The following CACNA2D3 variants were observed in gnomAD, a reference collection of about 807,000 sequenced individuals.
The protein encoded by CACNA2D3 is voltage-dependent calcium channel subunit alpha-2/delta-3.
Under a neutral mutation model 160.6 loss-of-function variants are expected in CACNA2D3, and 60 were observed. That is an observed-to-expected ratio of 0.37 (90% CI 0.30 to 0.46). The LOEUF is 0.46. Ranked by LOEUF, CACNA2D3 falls within the 20% of genes least tolerant of loss-of-function variation. CACNA2D3 has a pLI of 1.00. For synonymous variants in CACNA2D3, 558 were observed against 492.9 expected (o/e 1.13, Z -1.75); for missense variants, 1,205 against 1,365.0 (o/e 0.88, Z 1.85).
chr3:54,145,952 T>TC (rs1700021853), intron 2 of CACNA2D3, among the ~76,000 whole-genome samples: 1 of 152,252 alleles, frequency 6.6e-6, no homozygotes, highest in Non-Finnish European at 1.5e-5. Context: ...TGTCTTTTTT[T>TC]CACCTACTTT....
At chr3:54,496,861 A>T (rs1701211193) in intron 4 of CACNA2D3, among the ~76,000 whole-genome samples, 1 of 152,230 alleles carries the variant, frequency 6.6e-6, no homozygotes, top group East Asian at 1.9e-4. Flanking sequence ...GCTTCAGCAC[A>T]GTTTGTTGAA....
At position 55,038,910 on chromosome 3, in the gene CACNA2D3, A is replaced by G. The variant is rs151126905; in HGVS notation, c.2987+20593A>G. Among the ~76,000 whole-genome samples the G allele has an allele frequency of 6.7e-3, 863 of 129,560 alleles. 15 individuals carry two copies. Among genetic ancestry groups the G allele is most frequent in the African/African-American group, 0.025 (827 of 33,598 alleles). The allele number at this position is 129,560 out of a possible 152,430, so 85.0% of individuals were successfully genotyped here. On this transcript the variant is annotated intron_variant, in intron 35 of 37. Coordinates refer to ENST00000474759, the MANE Select transcript of CACNA2D3 (RefSeq NM_018398.3). ...TATATATATATATATATATATATAC[A>G]CACACTGAATATATAAATATTAACC...
intron 3 of CACNA2D3, among the ~76,000 whole-genome samples, chr3:54,367,408 A>G (rs1458449259): frequency 6.6e-6 from 1 of 152,134 alleles, no homozygotes; most frequent in Non-Finnish European, 1.5e-5. Flanking sequence ...GATGCCCTCC[A>G]CCGTATGGGA....
intron 11 of CACNA2D3, among the ~76,000 whole-genome samples, chr3:54,729,500 C>T (rs776738832): frequency 1.3e-5 from 2 of 152,066 alleles, no homozygotes; most frequent in Admixed American, 6.5e-5. Flanking sequence ...GAGCTGGGCT[C>T]GTTGGTTCTC....
intron 2 of CACNA2D3, among the ~76,000 whole-genome samples, chr3:54,195,710 T>C (rs552602761): frequency 1.3e-5 from 2 of 152,232 alleles, no homozygotes; most frequent in African/African-American, 4.8e-5. Context: ...TTTGGACTTT[T>C]GTGGTGCAGC....
At chr3:54,666,221 G>T (rs760166415) in intron 11 of CACNA2D3, among the ~76,000 whole-genome samples, 1 of 152,118 alleles carries the variant, frequency 6.6e-6, no homozygotes, top group Non-Finnish European at 1.5e-5. Flanking sequence ...ACTTTAAAAG[G>T]TAACAGCAAA....
chr3:54,299,452 C>T (rs1305077767), intron 2 of CACNA2D3, among the ~76,000 whole-genome samples: 2 of 152,136 alleles, frequency 1.3e-5, no homozygotes, highest in Non-Finnish European at 2.9e-5. Context: ...TTTTCACTTT[C>T]GGTGTTTGGC....
rs1553706902 is a variant in CACNA2D3 at position 54,515,199 on chromosome 3, T to TGTGAGA, written c.544+11546_544+11547insTGAGAG. Among the ~76,000 whole-genome samples the TGTGAGA allele has an allele frequency of 3.3e-3, 474 of 143,696 alleles. 1 individual carries two copies. Among genetic ancestry groups the TGTGAGA allele is most frequent in the Non-Finnish European group, 5.8e-3 (379 of 65,690 alleles). The allele number at this position is 143,696 out of a possible 152,430, so 94.3% of individuals were successfully genotyped here. ...CTGTGTGTGTGTGTGTGTGTGTGTG[T>TGTGAGA]GAGAGAGAGAGAGAGAGAGAGAAAG... On this transcript the variant is annotated intron_variant, in intron 5 of 37. Coordinates refer to ENST00000474759, the MANE Select transcript of CACNA2D3 (RefSeq NM_018398.3).
At chr3:54,190,248 C>G (rs1700955719) in intron 2 of CACNA2D3, among the ~76,000 whole-genome samples, 1 of 152,210 alleles carries the variant, frequency 6.6e-6, no homozygotes, top group Non-Finnish European at 1.5e-5. Context: ...ATTTCGGGGG[C>G]ACACACACAT....
intron 2 of CACNA2D3, among the ~76,000 whole-genome samples, chr3:54,287,303 C>G (rs1322745686): frequency 2.0e-5 from 3 of 152,012 alleles, no homozygotes; most frequent in Non-Finnish European, 2.9e-5. Context: ...AGACTTTAAA[C>G]CAACAAAGAT....
chr3:54,930,186 C>G (rs1408155967), intron 27 of CACNA2D3, among the ~76,000 whole-genome samples: 1 of 152,156 alleles, frequency 6.6e-6, no homozygotes, highest in African/African-American at 2.4e-5. Flanking sequence ...TCTGCAAACT[C>G]TGGTTATCCC....
intron 35 of CACNA2D3, among the ~76,000 whole-genome samples, chr3:55,036,827 G>A (rs1411117059): frequency 1.3e-5 from 2 of 152,150 alleles, no homozygotes; most frequent in Non-Finnish European, 2.9e-5. Context: ...TTTAAAAAAT[G>A]ATACCATTTT....
chr3:54,290,917 C>CG (rs898920824), intron 2 of CACNA2D3, among the ~76,000 whole-genome samples: 8 of 148,120 alleles, frequency 5.4e-5, no homozygotes, highest in African/African-American at 2.0e-4. Flanking sequence ...TGTGGGGTAG[C>CG]GGGGGGTGAG....
intron 29 of CACNA2D3, among the ~76,000 whole-genome samples, chr3:54,975,493 C>G (rs1702367512): frequency 6.8e-6 from 1 of 147,176 alleles, no homozygotes; most frequent in Non-Finnish European, 1.5e-5. Context: ...TGCACTCCAG[C>G]CTGGGCAACA....
intron 11 of CACNA2D3, among the ~76,000 whole-genome samples, chr3:54,751,663 C>T (rs914102916): frequency 1.3e-5 from 2 of 152,134 alleles, no homozygotes; most frequent in African/African-American, 2.4e-5. Context: ...AATAGGAGCA[C>T]TTGACCCATC....
intron 5 of CACNA2D3, among the ~76,000 whole-genome samples, chr3:54,546,708 A>G (rs1042527734): frequency 7.9e-4 from 25 of 31,770 alleles, no homozygotes; most frequent in East Asian, 2.9e-3. Context: ...GCACACACAC[A>G]CGCGCGCACA....
At chr3:54,649,536 G>T (rs913652309) in intron 11 of CACNA2D3, among the ~76,000 whole-genome samples, 4 of 152,228 alleles carry the variant, frequency 2.6e-5, no homozygotes, top group Non-Finnish European at 5.9e-5. Flanking sequence ...AGTCCTGGAG[G>T]CTGGAAGTCT....
chr3:54,918,427 G>T (rs1700726310), intron 27 of CACNA2D3: 1 of 1,576,384 alleles, frequency 6.3e-7, no homozygotes, highest in South Asian at 1.1e-5. Flanking sequence ...CTTCTGGCCT[G>T]CAATGACCAA....
intron 2 of CACNA2D3, among the ~76,000 whole-genome samples, chr3:54,246,020 A>G (rs1288501198): frequency 6.6e-6 from 1 of 152,160 alleles, no homozygotes; most frequent in Non-Finnish European, 1.5e-5. Context: ...ATTACATACT[A>G]TACTCTCCCT....
Sources: gnomAD v4.1 joint callset for allele counts (sites outside exome capture counted in the v4.1 genomes callset) on GRCh38, gnomAD v4.1.1 for gene constraint, MANE v1.5 for transcripts, NCBI Gene and HGNC (gene_info 2026-07-23, HGNC 2026-07-21) for gene names.